Variants in SCCPDH observed in about 807,000 individuals in gnomAD.
SCCPDH encodes the protein saccharopine dehydrogenase (putative), also known as saccharopine dehydrogenase-like oxidoreductase.
Under a neutral mutation model 51.5 loss-of-function variants are expected in SCCPDH, and 34 were observed. That is an observed-to-expected ratio of 0.66 (90% CI 0.50 to 0.88). SCCPDH has a LOEUF of 0.88. SCCPDH is among the 40% of genes least tolerant of loss of function. SCCPDH has a pLI of 0.00. For synonymous variants in SCCPDH, 187 were observed against 191.3 expected (o/e 0.98, Z 0.19); for missense variants, 464 against 527.1 (o/e 0.88, Z 1.17).
At chr1:246,733,070 G>C (rs1435117439) in intron 2 of SCCPDH, among the ~76,000 whole-genome samples, 1 of 152,140 alleles carries the variant, frequency 6.6e-6, no homozygotes, top group Non-Finnish European at 1.5e-5. Context: ...GGCTGAACTA[G>C]AGGCTATACT....
intron 2 of SCCPDH, among the ~76,000 whole-genome samples, chr1:246,729,743 A>T (rs1244072302): frequency 6.6e-6 from 1 of 152,230 alleles, no homozygotes; most frequent in Non-Finnish European, 1.5e-5. Flanking sequence ...GGAAATTATA[A>T]CAGTATTGAT....
chr1:246,742,311 T>C (rs1380625187), intron 4 of SCCPDH, among the ~76,000 whole-genome samples: 1 of 152,250 alleles, frequency 6.6e-6, no homozygotes, highest in Non-Finnish European at 1.5e-5. Context: ...GGTTGTTCTC[T>C]GCTTTTATTT....
chr1:246,756,362 G>A (rs1181608894), intron 5 of SCCPDH, among the ~76,000 whole-genome samples: 1 of 152,104 alleles, frequency 6.6e-6, no homozygotes, highest in Non-Finnish European at 1.5e-5. Context: ...ACGGAAGGAG[G>A]GCCTTCTTAG....
intron 5 of SCCPDH, among the ~76,000 whole-genome samples, chr1:246,746,731 C>T (rs531317938): frequency 6.6e-6 from 1 of 152,296 alleles, no homozygotes; most frequent in South Asian, 2.1e-4. Flanking sequence ...ATCCCAGCTA[C>T]TCGGGTCATG....
chr1:246,767,954 A>T lies in SCCPDH; in HGVS notation c.*654A>T, dbSNP rs1669114396. 6.6e-6 allele frequency: 1 copy of T among 152,116 alleles called. No individual in the cohort carries two copies. Among genetic ancestry groups the T allele is most frequent in the South Asian group, 2.1e-4 (1 of 4,826 alleles). 9.4% of individuals were successfully genotyped at this position (152,116 alleles called of 1,614,324 possible). A position where few individuals can be genotyped will look rare whatever the true frequency, so the allele number is the denominator to read the frequency against. ...TATCATTTTATCTTTACGTAATTCT[A>T]TATCTGTGACTAGGTTTTTAAGGAT... On this transcript the variant is annotated 3_prime_UTR_variant, in exon 12 of 12. Transcript: ENST00000366510.
chr1:246,739,952 C>CAT (rs1329181287), intron 3 of SCCPDH, among the ~76,000 whole-genome samples: 1 of 151,952 alleles, frequency 6.6e-6, no homozygotes, highest in East Asian at 1.9e-4. Context: ...AATTAAGTGT[C>CAT]ATACAGTCAG....
At chr1:246,728,138 AC>A (rs1197513863) in intron 2 of SCCPDH, among the ~76,000 whole-genome samples, 2 of 152,178 alleles carry the variant, frequency 1.3e-5, no homozygotes, top group Admixed American at 1.3e-4. Context: ...AGGCCATCAG[AC>A]TTTTGGCCTG....
At chr1:246,766,996 G>A in intron 11 of SCCPDH, among the ~76,000 whole-genome samples, 199 bp from the exon 12 acceptor site, 1 of 152,142 alleles carries the variant, frequency 6.6e-6, no homozygotes, top group South Asian at 2.1e-4. Context: ...GTCTAGATAG[G>A]GTTGGCTGTG....
intron 3 of SCCPDH, among the ~76,000 whole-genome samples, chr1:246,738,279 G>T (rs1229275695): frequency 6.6e-6 from 1 of 151,932 alleles, no homozygotes; most frequent in Non-Finnish European, 1.5e-5. Flanking sequence ...TTGGGAGGCC[G>T]AGGCAGGCGG....
intron 2 of SCCPDH, among the ~76,000 whole-genome samples, chr1:246,735,664 TG>T (rs796806091): frequency 5.3e-5 from 8 of 152,316 alleles, no homozygotes; most frequent in African/African-American, 1.9e-4. Flanking sequence ...CCCGAGTAGC[TG>T]GGATTACAGG....
chr1:246,758,242 A>C lies in SCCPDH; in HGVS notation c.581A>C (p.Asp194Ala). ...HSGPEGLSIH[D>A]GTWKSAIYGF... The stretch of plus-strand genomic sequence containing the variant: ...TTTTATTAGGGGTTGAGCATTCATG[A>C]TGGTACCTGGAAGTCAGCAATTTAT... The change falls in exon 6 of 12, where the codon GAT becomes GCT. Residue 194 changes from aspartate (D) to alanine (A), a missense_variant. Transcript: ENST00000366510. 1 of 1,597,408 alleles carries C rather than the reference A, an allele frequency of 6.3e-7. No individual in the cohort carries two copies. Among genetic ancestry groups the C allele is most frequent in the Non-Finnish European group, 8.5e-7 (1 of 1,172,978 alleles).
intron 5 of SCCPDH, among the ~76,000 whole-genome samples, chr1:246,750,986 TGGGGCCCCCAGTG>T (rs1668843789): frequency 6.6e-6 from 1 of 152,234 alleles, no homozygotes; most frequent in Admixed American, 6.5e-5. Flanking sequence ...ACACATGGCG[TGGGGCCCCCAGTG>T]GGTCCCTTGA....
chr1:246,735,783 C>T (rs780893925), intron 2 of SCCPDH, among the ~76,000 whole-genome samples, 192 bp from the exon 3 acceptor site: 8 of 152,178 alleles, frequency 5.3e-5, no homozygotes, highest in African/African-American at 7.2e-5. Flanking sequence ...CTACCTGCCT[C>T]GGCCTCCCAA....
chr1:246,737,621 T>G (rs1668615623), intron 3 of SCCPDH, among the ~76,000 whole-genome samples: 1 of 149,244 alleles, frequency 6.7e-6, no homozygotes, highest in African/African-American at 2.5e-5. Context: ...ATACAGGGTC[T>G]CTCTCTCTCA....
chr1:246,758,129 T>A, intron 5 of SCCPDH, 97 bp from the exon 6 acceptor site: 1 of 928,342 alleles, frequency 1.1e-6, no homozygotes, highest in East Asian at 2.6e-5. Context: ...TGTCCAAATA[T>A]AAGTGAAATA....
intron 3 of SCCPDH, among the ~76,000 whole-genome samples, chr1:246,736,440 A>G (rs1402159485): frequency 6.6e-6 from 1 of 152,186 alleles, no homozygotes; most frequent in Non-Finnish European, 1.5e-5. Context: ...GGTGGCTCAC[A>G]CCTGCACTCC....
chr1:246,747,344 G>A (rs1487787162), intron 5 of SCCPDH, among the ~76,000 whole-genome samples: 2 of 152,120 alleles, frequency 1.3e-5, no homozygotes, highest in East Asian at 1.9e-4. Flanking sequence ...GATGTGACCT[G>A]GGGTAATAGA....
Position 246,759,961 on chromosome 1 carries a change from A to G in SCCPDH, c.818A>G (p.Gln273Arg). The change falls in exon 8 of 12, where the codon CAG becomes CGG. Residue 273 changes from glutamine (Q) to arginine (R), a missense_variant. Physicochemically the swap from Gln to Arg is conservative, Grantham distance 43. Coordinates refer to ENST00000366510, the MANE Select transcript of SCCPDH (RefSeq NM_016002.3). ...TTTGTCTTCTCCATCATCTAGGTTC[A>G]GTATGCTGCGTATGTAACTGTGGGA... Reference protein sequence around the residue: ...LYENLEESPVQYAAYVTVGGI... With the variant: ...LYENLEESPVRYAAYVTVGGI... The G allele has an allele frequency of 6.2e-7, 1 of 1,609,858 alleles. No individual in the cohort carries two copies.
intron 6 of SCCPDH, 62 bp downstream of exon 6, chr1:246,758,418 C>A: frequency 2.4e-6 from 3 of 1,272,832 alleles, no homozygotes; most frequent in South Asian, 3.4e-5. Context: ...GTTGGGTTGG[C>A]TATTAATAAA....
Sources: allele counts gnomAD v4.1 joint callset (sites outside exome capture counted in the v4.1 genomes callset), GRCh38; gene constraint gnomAD v4.1.1; transcripts MANE v1.5; gene names NCBI Gene and HGNC (gene_info 2026-07-23, HGNC 2026-07-21).